The following GLRA2 variants were observed in gnomAD, a reference collection of about 807,000 sequenced individuals.
GLRA2 encodes glycine receptor alpha 2.
A neutral mutation model predicts 31.6 loss-of-function variants in GLRA2; 11 were observed. The ratio of observed to expected loss-of-function variants is 0.35; its 90% confidence interval spans 0.22 to 0.58. The LOEUF (loss-of-function observed/expected upper bound fraction) is 0.58, where lower values mean the gene tolerates loss of function less well. Among genes scored for constraint, GLRA2 ranks in the 20% least tolerant of loss-of-function variants. The pLI is 0.84. For missense variants in GLRA2, 212 were observed against 351.8 expected (o/e 0.60, Z 3.18); for synonymous variants, 132 against 134.0 (o/e 0.99, Z 0.10).
intron 2 of GLRA2, among the ~76,000 whole-genome samples, chrX:14,557,001 A>C (rs192099878): frequency 2.7e-5 from 3 of 111,224 alleles, no homozygotes; most frequent in African/African-American, 9.8e-5. Flanking sequence ...ATGAAAATAC[A>C]CAGAATTCAG....
the GLRA2 span, among the ~76,000 whole-genome samples, chrX:14,522,647 G>A: frequency 8.9e-6 from 1 of 112,115 alleles, no homozygotes; most frequent in Non-Finnish European, 1.9e-5. Flanking sequence ...CTTGATCTGT[G>A]GACTGCAGAA....
intron 8 of GLRA2, among the ~76,000 whole-genome samples, chrX:14,718,058 A>G (rs952178555): frequency 2.7e-5 from 3 of 110,852 alleles, no homozygotes; most frequent in African/African-American, 3.3e-5. Flanking sequence ...AGCAGAAGTT[A>G]CATTCTCTAT....
intron 5 of GLRA2, among the ~76,000 whole-genome samples, chrX:14,606,146 C>A (rs1457161122): frequency 1.1e-5 from 1 of 92,037 alleles, no homozygotes; most frequent in African/African-American, 4.1e-5. Flanking sequence ...GAATAAGAAT[C>A]CATAAACTTA....
chrX:14,611,393 G>A (rs1246063178), intron 7 of GLRA2, among the ~76,000 whole-genome samples: 1 of 112,937 alleles, frequency 8.9e-6, no homozygotes, highest in African/African-American at 3.2e-5. Flanking sequence ...TTAAATAACT[G>A]TTGTTAAGAC....
chrX:14,613,650 T>A (rs1266992051), intron 7 of GLRA2, among the ~76,000 whole-genome samples: 2 of 111,452 alleles, frequency 1.8e-5, no homozygotes, highest in Non-Finnish European at 3.8e-5. Context: ...TCCACAGATT[T>A]TCGTATTTGC....
the GLRA2 span, among the ~76,000 whole-genome samples, chrX:14,488,091 C>A: frequency 9.0e-6 from 1 of 111,386 alleles, no homozygotes; most frequent in Non-Finnish European, 1.9e-5. Context: ...ATGCATACTC[C>A]CCTCATCTCT....
intron 8 of GLRA2, among the ~76,000 whole-genome samples, chrX:14,706,562 G>T (rs2091625626): frequency 8.9e-6 from 1 of 111,869 alleles, no homozygotes; most frequent in African/African-American, 3.3e-5. Context: ...ACCCTATGTT[G>T]CTTGTTGTTT....
At chrX:14,723,906 A>G (rs1276133339) in intron 8 of GLRA2, among the ~76,000 whole-genome samples, 1 of 111,928 alleles carries the variant, frequency 8.9e-6, no homozygotes, top group Non-Finnish European at 1.9e-5. Flanking sequence ...TCATGTGATT[A>G]CTTTATTGTT....
At chrX:14,634,391 G>A (rs2090686311) in intron 7 of GLRA2, among the ~76,000 whole-genome samples, 1 of 112,124 alleles carries the variant, frequency 8.9e-6, no homozygotes. Flanking sequence ...TTATACTAAG[G>A]AGTGTAATAG....
intron 8 of GLRA2, among the ~76,000 whole-genome samples, chrX:14,710,259 A>T (rs1464829764): frequency 8.9e-6 from 1 of 112,234 alleles, no homozygotes; most frequent in Admixed American, 9.4e-5. Context: ...TGCAAACAGC[A>T]TTGACTTTCA....
intron 2 of GLRA2, among the ~76,000 whole-genome samples, chrX:14,557,269 C>T (rs2089661255): frequency 9.3e-6 from 1 of 107,748 alleles, no homozygotes; most frequent in East Asian, 2.9e-4. Context: ...GCGCCCACCA[C>T]CACGCCCGGC....
At chrX:14,548,249 G>A (rs1348290555) in intron 2 of GLRA2, among the ~76,000 whole-genome samples, 2 of 111,242 alleles carry the variant, frequency 1.8e-5, no homozygotes, top group Non-Finnish European at 3.8e-5. Flanking sequence ...ACCTAGGATG[G>A]AGGGGAGTAT....
chrX:14,460,103 A>C, the GLRA2 span, among the ~76,000 whole-genome samples: 2 of 111,977 alleles, frequency 1.8e-5, no homozygotes, highest in African/African-American at 6.5e-5. Flanking sequence ...ATTTTGTTGA[A>C]GGCCTTTTCT....
At chrX:14,702,470 G>A (rs948531480) in intron 8 of GLRA2, among the ~76,000 whole-genome samples, 2 of 111,980 alleles carry the variant, frequency 1.8e-5, no homozygotes, top group Admixed American at 1.9e-4. Context: ...TTGTAATTTT[G>A]CTAGAACTAG....
At chrX:14,460,670 T>C in the GLRA2 span, among the ~76,000 whole-genome samples, 1 of 112,320 alleles carries the variant, frequency 8.9e-6, no homozygotes, top group Non-Finnish European at 1.9e-5. Context: ...TATTCTCTGA[T>C]GGTAGTTTGT....
upstream of GLRA2, among the ~76,000 whole-genome samples, chrX:14,524,846 G>A (rs997580543): frequency 4.5e-5 from 5 of 110,533 alleles, no homozygotes; most frequent in African/African-American, 1.6e-4. Flanking sequence ...TGGGCATATA[G>A]TAGGCTTTCA....
the GLRA2 span, among the ~76,000 whole-genome samples, chrX:14,500,489 C>G: frequency 7.1e-5 from 8 of 112,361 alleles, no homozygotes; most frequent in Non-Finnish European, 1.1e-4. Flanking sequence ...TACCTCACCC[C>G]TTTGTCTCTG....
chrX:14,464,235 C>CT, the GLRA2 span, among the ~76,000 whole-genome samples: 1 of 112,014 alleles, frequency 8.9e-6, no homozygotes, highest in East Asian at 2.8e-4. Flanking sequence ...CTTTTGAGGT[C>CT]TTATTCACAA....
At chrX:14,474,734 G>GCTGGGATGA in the GLRA2 span, among the ~76,000 whole-genome samples, 9 of 60,524 alleles carry the variant, frequency 1.5e-4, no homozygotes, top group Non-Finnish European at 2.3e-4. Context: ...GGCTGGGATG[G>GCTGGGATGA]CTGGGATGAC....
Sources: gnomAD v4.1 joint callset for allele counts (sites outside exome capture counted in the v4.1 genomes callset) on GRCh38, gnomAD v4.1.1 for gene constraint, MANE v1.5 for transcripts, NCBI Gene and HGNC (gene_info 2026-07-23, HGNC 2026-07-21) for gene names.